LRRFIP1: variants seen among roughly 807,000 people sequenced by gnomAD.
LRRFIP1 encodes the protein LRR binding FLII interacting protein 1, also known as leucine-rich repeat flightless-interacting protein 1.
Under a neutral mutation model 104.4 loss-of-function variants are expected in LRRFIP1, and 62 were observed. The ratio of observed to expected loss-of-function variants is 0.59; its 90% CI spans 0.48 to 0.73. The LOEUF is 0.73. Among genes scored for constraint, LRRFIP1 ranks in the 30% least tolerant of loss-of-function variants. The pLI, the probability that LRRFIP1 is intolerant of heterozygous loss-of-function variation, is 0.00. For missense variants in LRRFIP1, 796 were observed against 824.5 expected, an observed-to-expected ratio of 0.97 and a Z score of 0.42; for synonymous variants, 300 against 299.0, an observed-to-expected ratio of 1.00 and a Z score of -0.03.
chr2:237,642,541 A>G (rs749641364), intron 1 of LRRFIP1, among the ~76,000 whole-genome samples: 3 of 149,884 alleles, frequency 2.0e-5, no homozygotes, highest in Non-Finnish European at 4.4e-5. Flanking sequence ...TTCAGGTTCC[A>G]GGTTCCAGGC....
chr2:237,682,323 C>T (rs528544111), intron 1 of LRRFIP1, among the ~76,000 whole-genome samples: 2 of 152,342 alleles, frequency 1.3e-5, no homozygotes, highest in East Asian at 3.9e-4. Context: ...TGCAGTCCTC[C>T]GGGCAGTCCT....
intron 1 of LRRFIP1, among the ~76,000 whole-genome samples, chr2:237,664,908 T>G (rs780454423): frequency 6.6e-5 from 10 of 152,210 alleles, no homozygotes; most frequent in Non-Finnish European, 1.3e-4. Context: ...TCCATTACAT[T>G]GCAGAATGTA....
At chr2:237,698,825 G>C (rs1486078630) in intron 1 of LRRFIP1, among the ~76,000 whole-genome samples, 2 of 152,186 alleles carry the variant, frequency 1.3e-5, no homozygotes, top group African/African-American at 4.8e-5. Flanking sequence ...ATCCACACTG[G>C]AGTTCTGAAG....
intron 1 of LRRFIP1, among the ~76,000 whole-genome samples, chr2:237,636,275 T>C (rs1010434211): frequency 1.1e-4 from 16 of 151,326 alleles, no homozygotes; most frequent in African/African-American, 3.6e-4. Flanking sequence ...AGCCCCATCA[T>C]TTTTTCTGTT....
chr2:237,666,842 CT>C (rs1337938314), intron 1 of LRRFIP1, among the ~76,000 whole-genome samples: 1 of 124,514 alleles, frequency 8.0e-6, no homozygotes, highest in East Asian at 2.4e-4. Flanking sequence ...TTCCTGCCTT[CT>C]TTTTTCTTTC....
Position 237,749,195 on chromosome 2 carries a change from C to G in LRRFIP1, c.670-4C>G, listed in dbSNP as rs767507826. 1.2e-6 allele frequency: 2 copies of G among 1,612,506 alleles called. No individual in the cohort carries two copies. The highest frequency in any genetic ancestry group is 2.2e-5 in the South Asian group (2 of 90,938). ...ATCAGCATGTGATCCTCTCAACGTT[C>G]CAGGGGTCTCGTAACATGCCGGGCC... On this transcript the variant is annotated splice_polypyrimidine_tract_variant and splice_region_variant and intron_variant, in intron 12 of 23. Coordinates refer to ENST00000308482, the MANE Select transcript of LRRFIP1 (RefSeq NM_001137550.2).
intron 8 of LRRFIP1, among the ~76,000 whole-genome samples, chr2:237,731,302 TG>T (rs1455309243): frequency 1.3e-5 from 2 of 152,040 alleles, no homozygotes; most frequent in Admixed American, 6.6e-5. Flanking sequence ...CCCGGGGGGT[TG>T]GGGGGTATCT....
chr2:237,707,311 T>C (rs1387536430), intron 1 of LRRFIP1, among the ~76,000 whole-genome samples: 2 of 151,028 alleles, frequency 1.3e-5, no homozygotes, highest in Non-Finnish European at 2.9e-5. Flanking sequence ...TGCAAACCTG[T>C]AGTCCCAGCT....
At position 237,661,378 on chromosome 2, in the gene LRRFIP1, C is replaced by T. The variant is rs1450856741; in HGVS notation, c.96+33638C>T. Among the ~76,000 whole-genome samples, 1 of 152,174 alleles carries T rather than the reference C, an allele frequency of 6.6e-6. No homozygotes were observed. The highest frequency in any genetic ancestry group is 1.5e-5 in the Non-Finnish European group (1 of 68,028). On this transcript the variant is annotated intron_variant, in intron 1 of 23. Coordinates refer to ENST00000308482, the MANE Select transcript of LRRFIP1 (RefSeq NM_001137550.2). The surrounding 1 kb of genome is among the most constrained non-coding windows in gnomAD (Gnocchi z 4.4). ...TGCCACCATGCCTGCCAGTCCCTCT[C>T]CTCCTTAGAGCACAAGCCCTCTGAT...
chr2:237,639,522 A>C (rs1481906178), intron 1 of LRRFIP1, among the ~76,000 whole-genome samples: 1 of 152,174 alleles, frequency 6.6e-6, no homozygotes, highest in African/African-American at 2.4e-5. Flanking sequence ...CTTGGTGCCC[A>C]GGTCTTTGGT....
At chr2:237,692,567 G>C (rs1348331961) in intron 1 of LRRFIP1, 1 of 1,471,442 alleles carries the variant, frequency 6.8e-7, no homozygotes, top group South Asian at 1.3e-5. Context: ...ACTGCGGCGG[G>C]GTTTCAGGGG....
chr2:237,752,021 G>T (rs937089937), intron 14 of LRRFIP1, among the ~76,000 whole-genome samples: 4 of 152,186 alleles, frequency 2.6e-5, no homozygotes, highest in Non-Finnish European at 5.9e-5. Flanking sequence ...GACAGAGGAG[G>T]TGACATCGAT....
chr2:237,763,755 A>T, intron 19 of LRRFIP1: 1 of 1,614,258 alleles, frequency 6.2e-7, no homozygotes, highest in Non-Finnish European at 8.5e-7. Flanking sequence ...GATTTTGAGG[A>T]TGACACCGTT....
intron 1 of LRRFIP1, chr2:237,692,663 G>A: frequency 8.4e-7 from 1 of 1,192,636 alleles, no homozygotes; most frequent in South Asian, 2.2e-5. Context: ...CGCGGTGGGA[G>A]CGGGCGCAGT....
intron 19 of LRRFIP1, chr2:237,764,289 T>G (rs2060128967): frequency 4.5e-6 from 7 of 1,547,818 alleles, no homozygotes; most frequent in Non-Finnish European, 6.1e-6. Flanking sequence ...AGTTATAGAC[T>G]GTTACTTGTA....
At chr2:237,639,436 C>T (rs1452414040) in intron 1 of LRRFIP1, among the ~76,000 whole-genome samples, 1 of 152,178 alleles carries the variant, frequency 6.6e-6, no homozygotes, top group African/African-American at 2.4e-5. Flanking sequence ...ACTTTTACTT[C>T]TTGGTCTTGA....
At chr2:237,704,309 C>T (rs1471757107) in intron 1 of LRRFIP1, among the ~76,000 whole-genome samples, 3 of 152,018 alleles carry the variant, frequency 2.0e-5, no homozygotes, top group African/African-American at 4.8e-5. Context: ...CCCACCACCA[C>T]GCCCAGCTAA....
chr2:237,671,177 A>G (rs1267320688), intron 1 of LRRFIP1, among the ~76,000 whole-genome samples: 1 of 152,226 alleles, frequency 6.6e-6, no homozygotes, highest in East Asian at 1.9e-4. Flanking sequence ...TTCCCTTTCC[A>G]AGCAGTGACC....
intron 1 of LRRFIP1, among the ~76,000 whole-genome samples, chr2:237,638,099 C>T (rs1364372381): frequency 1.3e-5 from 2 of 152,128 alleles, no homozygotes; most frequent in African/African-American, 2.4e-5. Context: ...ATTTATTGTG[C>T]ACTTTGTTTC....
Sources: gnomAD v4.1 joint callset for allele counts (sites outside exome capture counted in the v4.1 genomes callset) on GRCh38, gnomAD v4.1.1 for gene constraint, Gnocchi (gnomAD v3.1) non-coding constraint, MANE v1.5 for transcripts, NCBI Gene and HGNC (gene_info 2026-07-23, HGNC 2026-07-21) for gene names.